The following EML4 variants were observed in gnomAD, a reference collection of about 807,000 sequenced individuals.
EML4 encodes the protein EMAP like 4.
Under a neutral mutation model 129.0 loss-of-function variants are expected in EML4, and 72 were observed. The observed-to-expected ratio is 0.56, with a 90% CI of 0.46 to 0.68. EML4 has a LOEUF of 0.68. EML4 is among the 30% of genes least tolerant of loss of function. EML4 has a pLI of 0.00. For synonymous variants in EML4, 532 were observed against 405.0 expected, an observed-to-expected ratio of 1.31 and a Z score of -3.77; for missense variants, 1,363 against 1,190.6, an observed-to-expected ratio of 1.14 and a Z score of -2.13.
chr2:42,200,257 G>A (rs377141245), intron 1 of EML4, among the ~76,000 whole-genome samples: 63 of 152,092 alleles, frequency 4.1e-4, no homozygotes, highest in Non-Finnish European at 2.8e-4. Context: ...CCCGGGAGGC[G>A]GAGCTTGCAG....
intron 1 of EML4, 85 bp downstream of exon 1, chr2:42,169,721 G>A: frequency 1.4e-6 from 2 of 1,471,752 alleles, no homozygotes; most frequent in Non-Finnish European, 1.8e-6. Context: ...CTGCCCTCCC[G>A]CCTGCCCCTC....
At chr2:42,283,740 A>C (rs968470363) in intron 8 of EML4, among the ~76,000 whole-genome samples, 1 of 152,204 alleles carries the variant, frequency 6.6e-6, no homozygotes, top group Non-Finnish European at 1.5e-5. Flanking sequence ...TGTATGTACA[A>C]AACTATTTAC....
At chr2:42,307,093 G>T (rs1668647807) in intron 17 of EML4, among the ~76,000 whole-genome samples, 1 of 152,240 alleles carries the variant, frequency 6.6e-6, no homozygotes, top group African/African-American at 2.4e-5. Context: ...ATGGGCGATT[G>T]TAAGGCTAGC....
At chr2:42,207,927 A>C (rs556419299) in intron 1 of EML4, 1 of 152,216 alleles carries the variant, frequency 6.6e-6, no homozygotes, top group African/African-American at 2.4e-5. Context: ...TAAATGTTGC[A>C]GTGAAGATTG....
chr2:42,229,600 G>A (rs1192370387), intron 1 of EML4, among the ~76,000 whole-genome samples: 1 of 152,068 alleles, frequency 6.6e-6, no homozygotes, highest in Non-Finnish European at 1.5e-5. Flanking sequence ...GTGAGTTTAG[G>A]GCTAAATACA....
intron 3 of EML4, among the ~76,000 whole-genome samples, chr2:42,259,722 CTTTTT>C (rs780243101): frequency 4.1e-5 from 4 of 98,344 alleles, no homozygotes; most frequent in African/African-American, 8.6e-5. Flanking sequence ...TTCTTTCTTT[CTTTTT>C]TTTTTTTTTT....
At position 42,216,932 on chromosome 2, in the gene EML4, G is replaced by C. The variant is rs1295330676; in HGVS notation, c.26-28573G>C. Among the ~76,000 whole-genome samples, 8 of 152,182 alleles carry C rather than the reference G, an allele frequency of 5.3e-5. 1 individual carries two copies. Among genetic ancestry groups the C allele is most frequent in the Admixed American group, 2.0e-4 (3 of 15,272 alleles). ...AAATGGCAGAGAAACAAAGTAGTTG[G>C]AAGGAATAAAGATCTACTTGGTTCC... On this transcript the variant is annotated intron_variant, in intron 1 of 22. Coordinates refer to ENST00000318522, the MANE Select transcript of EML4 (RefSeq NM_019063.5).
In EML4 at chr2:42,329,660, A is replaced by G. The variant is rs1669993155; in HGVS notation, c.2473-74A>G. 4.7e-6 allele frequency: 6 copies of G among 1,274,142 alleles called. 1 individual carries two copies. In the Admixed American group the frequency reaches 5.5e-5, roughly 12 times the overall value. 78.9% of individuals were successfully genotyped at this position (1,274,142 alleles called of 1,614,324 possible). On this transcript the variant is annotated intron_variant, in intron 22 of 22. Coordinates refer to ENST00000318522, the MANE Select transcript of EML4 (RefSeq NM_019063.5). ...CAAGCTGAGTTTACCCCCCTTACGT[A>G]TCACCTCCATTTCTGAAACAGGCAT...
intron 2 of EML4, 109 bp downstream of exon 2, chr2:42,245,796 AGTTTG>A: frequency 7.6e-6 from 8 of 1,058,556 alleles, no homozygotes; most frequent in Non-Finnish European, 6.5e-6. Flanking sequence ...TTGTGATTAT[AGTTTG>A]TTTTCCATTT....
intron 1 of EML4, among the ~76,000 whole-genome samples, chr2:42,205,634 TTTG>T (rs1007411461): frequency 1.2e-4 from 19 of 152,222 alleles, no homozygotes; most frequent in East Asian, 5.8e-4. Flanking sequence ...AGAAAGGGTT[TTTG>T]TTGTTGTTGT....
chr2:42,298,518 C>A (rs992537536), intron 13 of EML4, among the ~76,000 whole-genome samples: 1 of 152,044 alleles, frequency 6.6e-6, no homozygotes, highest in African/African-American at 2.4e-5. Flanking sequence ...ATTTGTTTTA[C>A]AGGTAAATAC....
At chr2:42,201,832 A>G (rs1463941471) in intron 1 of EML4, among the ~76,000 whole-genome samples, 2 of 152,224 alleles carry the variant, frequency 1.3e-5, no homozygotes, top group East Asian at 3.9e-4. Context: ...CTGTAATCCC[A>G]GCACTTTAGG....
intron 1 of EML4, among the ~76,000 whole-genome samples, chr2:42,197,054 T>G (rs1370704697): frequency 6.6e-6 from 1 of 152,080 alleles, no homozygotes; most frequent in Non-Finnish European, 1.5e-5. Flanking sequence ...AAATGTTGGT[T>G]TAAGGAAGTA....
At chr2:42,322,719 A>G (rs186163245) in intron 19 of EML4, among the ~76,000 whole-genome samples, 24 of 152,302 alleles carry the variant, frequency 1.6e-4, no homozygotes, top group Admixed American at 7.8e-4. Context: ...GTTTGTGCCC[A>G]TGGAGTAAAG....
Position 42,169,405 on chromosome 2 carries a change from C to A in EML4, c.-207C>A. Reference sequence around the variant, plus strand: ...GGAGGCCGGGCAGGCGGCTGAGCGGCGCGGCTCTCAACGTGACGGGGAAGT... The same window carrying A: ...GGAGGCCGGGCAGGCGGCTGAGCGGAGCGGCTCTCAACGTGACGGGGAAGT... On this transcript the variant is annotated 5_prime_UTR_variant, in exon 1 of 23. Transcript: ENST00000318522. 2.4e-6 allele frequency: 1 copy of A among 419,436 alleles called. No individual in the cohort carries two copies. The highest frequency in any genetic ancestry group is 4.0e-5 in the South Asian group (1 of 24,832). 26.0% of individuals were successfully genotyped at this position (419,436 alleles called of 1,614,324 possible).
intron 2 of EML4, 39 bp downstream of exon 2, chr2:42,245,726 G>C (rs765959896): frequency 2.0e-6 from 3 of 1,497,218 alleles, no homozygotes; most frequent in South Asian, 2.7e-5. Context: ...CTTGCTTTTT[G>C]CAATATTTTC....
rs9309080 is a variant in EML4 at position 42,264,103 on chromosome 2, G to GTTTTTTTT, written c.642-584_642-577dup. Among the ~76,000 whole-genome samples the GTTTTTTTT allele has an allele frequency of 3.4e-4, 34 of 100,778 alleles. 7 individuals are homozygous for GTTTTTTTT. The highest frequency in any genetic ancestry group is 5.1e-4 in the Non-Finnish European group (26 of 51,222). The allele number at this position is 100,778 out of a possible 152,430, so 66.1% of individuals were successfully genotyped here. On this transcript the variant is annotated intron_variant, in intron 5 of 22. Coordinates refer to ENST00000318522, the MANE Select transcript of EML4 (RefSeq NM_019063.5). ...AAGGCTCCCAACTCAAACAATACGT[G>GTTTTTTTT]TTTTTTTTTTTTTTTTTTTTTTTTT...
At chr2:42,312,324 G>C (rs916581085) in intron 17 of EML4, among the ~76,000 whole-genome samples, 2 of 152,070 alleles carry the variant, frequency 1.3e-5, no homozygotes, top group Admixed American at 6.5e-5. Context: ...AACTGGTTCA[G>C]GCCGTAACAG....
chr2:42,170,828 G>A (rs1276107980), intron 1 of EML4, among the ~76,000 whole-genome samples: 1 of 152,220 alleles, frequency 6.6e-6, no homozygotes, highest in Non-Finnish European at 1.5e-5. Context: ...TGATCAGTGA[G>A]CAGTCTGGCC....
Sources: allele counts gnomAD v4.1 joint callset (sites outside exome capture counted in the v4.1 genomes callset), GRCh38; gene constraint gnomAD v4.1.1; transcripts MANE v1.5; gene names NCBI Gene and HGNC (gene_info 2026-07-23, HGNC 2026-07-21).